The following CNTN3 variants were observed in gnomAD, a reference collection of about 807,000 sequenced individuals.
CNTN3 encodes contactin 3, also known as contactin-3.
CNTN3 carries 60 observed loss-of-function variants against 119.1 expected under a neutral mutation model. That is an observed-to-expected ratio of 0.50 (90% CI 0.41 to 0.62). The LOEUF is 0.62. CNTN3 is among the 20% of genes least tolerant of loss of function. The probability of loss-of-function intolerance (pLI) is 0.00; values close to 1 mark genes in which losing one functional copy is unlikely to be tolerated. For missense variants in CNTN3, 1,101 were observed against 1,242.4 expected (o/e 0.89, Z 1.71); for synonymous variants, 450 against 438.7 (o/e 1.03, Z -0.32).
At chr3:74,568,439 G>C (rs1188107034) in intron 1 of CNTN3, among the ~76,000 whole-genome samples, 2 of 152,194 alleles carry the variant, frequency 1.3e-5, no homozygotes, top group Non-Finnish European at 2.9e-5. Flanking sequence ...TCTGGAAACA[G>C]TAAACTGAAC....
intron 1 of CNTN3, among the ~76,000 whole-genome samples, chr3:74,557,565 G>A (rs1704089477): frequency 6.6e-6 from 1 of 152,030 alleles, no homozygotes; most frequent in Admixed American, 6.6e-5. Context: ...CAATCCATAT[G>A]GGAAATTTCT....
rs566536614 is a variant in CNTN3 at position 74,442,855 on chromosome 3, T to C, written c.359-17915A>G. Among the ~76,000 whole-genome samples, 4 of 152,316 alleles carry C rather than the reference T, an allele frequency of 2.6e-5. No homozygotes were observed. The South Asian group carries it at 8.3e-4, about 32-fold the overall frequency. On this transcript the variant is annotated intron_variant, in intron 4 of 22. Transcript: ENST00000263665. ...TTTCTCTGTTTTGGAGATGAAACTG[T>C]TGCATAATCACATCAGGTGACTTGT... is the stretch of plus-strand genomic sequence containing the variant.
chr3:74,466,399 T>C (rs181610732), intron 4 of CNTN3, among the ~76,000 whole-genome samples: 68 of 152,304 alleles, frequency 4.5e-4, no homozygotes, highest in Non-Finnish European at 8.8e-4. Context: ...AAGATGTTCA[T>C]AGTTCACAGT....
At chr3:74,269,364 C>T (rs1701723848) in intron 20 of CNTN3, among the ~76,000 whole-genome samples, 2 of 151,982 alleles carry the variant, frequency 1.3e-5, no homozygotes, top group Admixed American at 1.3e-4. Context: ...CATCTCTTAC[C>T]ACCACTGGTA....
At chr3:74,474,823 A>G (rs925630900) in intron 4 of CNTN3, among the ~76,000 whole-genome samples, 1 of 152,070 alleles carries the variant, frequency 6.6e-6, no homozygotes, top group African/African-American at 2.4e-5. Flanking sequence ...CCCTCTTGGT[A>G]TTGTCCTTGA....
chr3:74,391,967 T>TA (rs1227889792), intron 5 of CNTN3, among the ~76,000 whole-genome samples: 5 of 152,072 alleles, frequency 3.3e-5, no homozygotes, highest in Non-Finnish European at 7.4e-5. Context: ...CTCCCACACT[T>TA]AGAGTCTTAA....
intron 5 of CNTN3, among the ~76,000 whole-genome samples, chr3:74,405,137 T>C (rs2106857931): frequency 6.6e-6 from 1 of 152,200 alleles, no homozygotes; most frequent in Non-Finnish European, 1.5e-5. Context: ...ACACTAAAAA[T>C]GTATTTATCT....
chr3:74,561,294 A>G (rs1391735976), intron 1 of CNTN3, among the ~76,000 whole-genome samples: 1 of 152,020 alleles, frequency 6.6e-6, no homozygotes, highest in Non-Finnish European at 1.5e-5. Context: ...GCCAATGTTC[A>G]AAATCTAAAT....
intron 11 of CNTN3, among the ~76,000 whole-genome samples, chr3:74,345,050 A>G (rs1046723335): frequency 1.3e-5 from 2 of 152,162 alleles, no homozygotes; most frequent in African/African-American, 4.8e-5. Context: ...TAGCCTTTCT[A>G]GAAGTGCTTC....
chr3:74,496,473 C>T (rs753789692), intron 3 of CNTN3, among the ~76,000 whole-genome samples: 6 of 152,054 alleles, frequency 3.9e-5, no homozygotes, highest in South Asian at 2.1e-4. Context: ...GTTCTTCAGG[C>T]AGGCCTTCCT....
intron 1 of CNTN3, among the ~76,000 whole-genome samples, chr3:74,557,058 T>A (rs1433633758): frequency 2.0e-5 from 3 of 152,186 alleles, no homozygotes; most frequent in East Asian, 3.9e-4. Flanking sequence ...ACATAATTTA[T>A]AAATATTTCA....
intron 5 of CNTN3, among the ~76,000 whole-genome samples, chr3:74,415,325 AAG>A (rs1701502911): frequency 6.6e-6 from 1 of 152,074 alleles, no homozygotes; most frequent in Non-Finnish European, 1.5e-5. Context: ...TGTAGACTGA[AAG>A]TGTAAGTTGT....
rs370950016 is a variant in CNTN3, at chr3:74,296,138, ACC to A, written c.2402-904_2402-903del. On this transcript the variant is annotated intron_variant, in intron 18 of 22. Coordinates refer to ENST00000263665, the MANE Select transcript of CNTN3 (RefSeq NM_020872.3). ...AACTCTCCCTTGGATTCACAGAGAC[ACC>A]CTAGTAGATTTCACAGAAGTCTTTT... 3.4e-3 allele frequency among the ~76,000 whole-genome samples: 520 copies of A among 152,232 alleles called. 5 individuals carry two copies. Among genetic ancestry groups the A allele is most frequent in the African/African-American group, 0.01 (428 of 41,546 alleles).
intron 5 of CNTN3, among the ~76,000 whole-genome samples, chr3:74,424,150 G>A (rs971591486): frequency 6.6e-6 from 1 of 152,016 alleles, no homozygotes; most frequent in African/African-American, 2.4e-5. Flanking sequence ...TCCTGCAAGT[G>A]GCCAAGTTTG....
chr3:74,521,001 C>A, intron 2 of CNTN3, 57 bp downstream of exon 2: 1 of 956,132 alleles, frequency 1.0e-6, no homozygotes, highest in Non-Finnish European at 1.6e-6. Context: ...ATTATGTAAG[C>A]ATATGACTCG....
At chr3:74,408,386 G>T (rs1318543326) in intron 5 of CNTN3, among the ~76,000 whole-genome samples, 1 of 152,166 alleles carries the variant, frequency 6.6e-6, no homozygotes, top group Non-Finnish European at 1.5e-5. Flanking sequence ...CCCAGGAACA[G>T]TAACAGTGGT....
At chr3:74,272,892 C>T (rs1701808152) in intron 20 of CNTN3, among the ~76,000 whole-genome samples, 1 of 152,032 alleles carries the variant, frequency 6.6e-6, no homozygotes, top group Admixed American at 6.5e-5. Context: ...ATTTGGTTAG[C>T]ATCTATTTAT....
chr3:74,434,004 C>G (rs1315155193), intron 4 of CNTN3, among the ~76,000 whole-genome samples: 2 of 152,146 alleles, frequency 1.3e-5, no homozygotes, highest in African/African-American at 2.4e-5. Context: ...AATAAGCATC[C>G]ATCATCTCAT....
At chr3:74,432,953 A>C (rs1451699631) in intron 4 of CNTN3, among the ~76,000 whole-genome samples, 1 of 152,154 alleles carries the variant, frequency 6.6e-6, no homozygotes, top group African/African-American at 2.4e-5. Flanking sequence ...AAAGTTCAAT[A>C]GTGTTTTAGT....
Sources: gnomAD v4.1 joint callset for allele counts (sites outside exome capture counted in the v4.1 genomes callset) on GRCh38, gnomAD v4.1.1 for gene constraint, MANE v1.5 for transcripts, NCBI Gene and HGNC (gene_info 2026-07-23, HGNC 2026-07-21) for gene names.